XPR1: variants seen among roughly 807,000 people sequenced by gnomAD.
XPR1 encodes the protein solute carrier family 53 member 1.
XPR1 carries 28 observed loss-of-function variants against 87.5 expected under a neutral mutation model. That is an observed-to-expected ratio of 0.32 (90% CI 0.24 to 0.44). The LOEUF (loss-of-function observed/expected upper bound fraction) is 0.44. Among genes scored for constraint, XPR1 ranks in the 20% least tolerant of loss-of-function variants. XPR1 has a pLI of 1.00. For missense variants in XPR1, 559 were observed against 862.3 expected (o/e 0.65, Z 4.41); for synonymous variants, 300 against 306.1 (o/e 0.98, Z 0.21).
At chr1:180,823,069 G>A (rs1031791927) in intron 7 of XPR1, among the ~76,000 whole-genome samples, 2 of 151,906 alleles carry the variant, frequency 1.3e-5, no homozygotes, top group Non-Finnish European at 2.9e-5. Context: ...ATGAAACCCC[G>A]TCTCTACTAA....
At position 180,884,195 on chromosome 1, in the gene XPR1, C is replaced by T. The variant is rs898558262; in HGVS notation, c.*129C>T. ...ACATAACACATTTTCCGAGCTCTTC[C>T]GGATCGGATCCTATGGACTCCAAAC... On this transcript the variant is annotated 3_prime_UTR_variant, in exon 15 of 15. Coordinates refer to ENST00000367590, the MANE Select transcript of XPR1 (RefSeq NM_004736.4). 10 of 665,164 alleles carry T rather than the reference C, an allele frequency of 1.5e-5. No individual in the cohort carries two copies. The highest frequency in any genetic ancestry group is 3.1e-5 in the Admixed American group (1 of 31,826). 41.2% of individuals were successfully genotyped at this position (665,164 alleles called of 1,614,324 possible). A position where few individuals can be genotyped will look rare whatever the true frequency, so the allele number is the denominator to read the frequency against.
At position 180,815,136 on chromosome 1, in the gene XPR1, AT is replaced by A. The variant is rs1224075007; in HGVS notation, c.763+3655del. Among the ~76,000 whole-genome samples the A allele has an allele frequency of 2.6e-5, 4 of 151,716 alleles. No homozygotes were observed. The East Asian group carries it at 7.7e-4, about 29-fold the overall frequency. ...AATGCCTTAGTCATTAGTGGGTGCA[AT>A]TTTTTTGTTTAATTTTCAAGATGAG... On this transcript the variant is annotated intron_variant, in intron 7 of 14. Transcript: ENST00000367590.
chr1:180,845,809 G>T (rs75621249), intron 11 of XPR1, among the ~76,000 whole-genome samples: 1 of 152,224 alleles, frequency 6.6e-6, no homozygotes, highest in Admixed American at 6.5e-5. Flanking sequence ...TGTGGACTCG[G>T]CCAAAATACG....
intron 2 of XPR1, among the ~76,000 whole-genome samples, chr1:180,766,006 A>G (rs1319108031): frequency 6.6e-6 from 1 of 152,194 alleles, no homozygotes; most frequent in Non-Finnish European, 1.5e-5. Context: ...ACCGAGATAT[A>G]TAGAGTTTAA....
chr1:180,866,809 T>A (rs1031759830), intron 12 of XPR1, among the ~76,000 whole-genome samples: 149 of 118,828 alleles, frequency 1.3e-3, no homozygotes, highest in African/African-American at 4.1e-3. Flanking sequence ...TTTTTTTTTT[T>A]AATTTTTTTT....
chr1:180,824,584 A>T (rs964676496), intron 7 of XPR1, among the ~76,000 whole-genome samples, 169 bp from the exon 8 acceptor site: 2 of 152,076 alleles, frequency 1.3e-5, no homozygotes, highest in African/African-American at 4.8e-5. Flanking sequence ...TCTCAAAAAA[A>T]TAAATAGGTA....
intron 1 of XPR1, among the ~76,000 whole-genome samples, chr1:180,677,498 G>C (rs181859905): frequency 1.3e-5 from 2 of 152,258 alleles, no homozygotes; most frequent in East Asian, 3.9e-4. Flanking sequence ...CATAAGACCA[G>C]ATGAGCCAGT....
intron 2 of XPR1, among the ~76,000 whole-genome samples, chr1:180,704,814 G>GT (rs567903048): frequency 0.089 from 4,637 of 51,868 alleles, 364 homozygotes; most frequent in African/African-American, 0.15. Flanking sequence ...ACTGTTGGTT[G>GT]TTTTTTTTTT....
intron 2 of XPR1, among the ~76,000 whole-genome samples, chr1:180,772,099 GTTAT>G (rs1301996012): frequency 2.7e-5 from 4 of 150,336 alleles, no homozygotes; most frequent in Admixed American, 2.6e-4. Flanking sequence ...CATTTATTCA[GTTAT>G]TTATTTATTC....
intron 11 of XPR1, 61 bp downstream of exon 11, chr1:180,836,777 A>T (rs113022706): frequency 3.8e-6 from 6 of 1,561,810 alleles, no homozygotes; most frequent in Admixed American, 1.7e-5. Flanking sequence ...ACCTGACTCT[A>T]TTTCTTACTC....
At chr1:180,671,401 G>A (rs1223260790) in intron 1 of XPR1, among the ~76,000 whole-genome samples, 1 of 152,172 alleles carries the variant, frequency 6.6e-6, no homozygotes, top group Non-Finnish European at 1.5e-5. Flanking sequence ...GGAATTGACT[G>A]TATCAGATCT....
At chr1:180,761,353 A>C (rs1192613799) in intron 2 of XPR1, among the ~76,000 whole-genome samples, 3 of 152,196 alleles carry the variant, frequency 2.0e-5, no homozygotes, top group Non-Finnish European at 4.4e-5. Context: ...GTGGGAGAAA[A>C]TTTTCGCAAC....
intron 2 of XPR1, 134 bp from the exon 3 acceptor site, chr1:180,787,619 A>G: frequency 1.6e-6 from 1 of 632,412 alleles, no homozygotes; most frequent in South Asian, 2.3e-5. Flanking sequence ...TATGGTTCAC[A>G]GTTCACTTTT....
chr1:180,767,641 G>A (rs1648337974), intron 2 of XPR1, among the ~76,000 whole-genome samples: 1 of 152,132 alleles, frequency 6.6e-6, no homozygotes, highest in Non-Finnish European at 1.5e-5. Context: ...TGATTTTAAA[G>A]AGTATATAAT....
At position 180,886,137 on chromosome 1, in the gene XPR1, C is replaced by G. The variant is rs1194701785; in HGVS notation, c.*2071C>G. ...AATCATTTATAATAATCAGTGTTAA[C>G]AATTTAGTGACCCTTGGTAGGTTAA... On this transcript the variant is annotated 3_prime_UTR_variant, in exon 15 of 15. Transcript: ENST00000367590. The G allele has an allele frequency of 6.6e-6, 1 of 152,048 alleles. No individual in the cohort carries two copies. Among genetic ancestry groups the G allele is most frequent in the African/African-American group, 2.4e-5 (1 of 41,384 alleles). The allele number at this position is 152,048 out of a possible 1,614,324, so 9.4% of individuals were successfully genotyped here.
chr1:180,848,735 A>G (rs1205318581), intron 11 of XPR1, among the ~76,000 whole-genome samples: 2 of 151,826 alleles, frequency 1.3e-5, no homozygotes, highest in Non-Finnish European at 2.9e-5. Flanking sequence ...TTTCTGAGGA[A>G]CCTCCATACT....
At chr1:180,636,748 G>A (rs1654788821) in intron 1 of XPR1, among the ~76,000 whole-genome samples, 1 of 152,100 alleles carries the variant, frequency 6.6e-6, no homozygotes, top group African/African-American at 2.4e-5. Context: ...GTAAAGAGAA[G>A]ACAGTATTAG....
rs533299365 is a variant in XPR1, at chr1:180,775,767, G to C, written c.122-11986G>C. ...GAAACTGTCATCTGTATACAAAGTA[G>C]TATTTTGTCATATTTGTTAAATGGA... On this transcript the variant is annotated intron_variant, in intron 2 of 14. Transcript: ENST00000367590. Among the ~76,000 whole-genome samples the C allele has an allele frequency of 6.0e-4, 91 of 152,182 alleles. 1 individual carries two copies. The highest frequency in any genetic ancestry group is 2.1e-3 in the African/African-American group (86 of 41,528).
intron 11 of XPR1, among the ~76,000 whole-genome samples, chr1:180,854,371 ATATT>A (rs1651967553): frequency 6.6e-6 from 1 of 152,250 alleles, no homozygotes; most frequent in African/African-American, 2.4e-5. Context: ...GAATTTATGA[ATATT>A]TATGAGGGAA....
Sources: gnomAD v4.1 joint callset for allele counts (sites outside exome capture counted in the v4.1 genomes callset) on GRCh38, gnomAD v4.1.1 for gene constraint, MANE v1.5 for transcripts, NCBI Gene and HGNC (gene_info 2026-07-23, HGNC 2026-07-21) for gene names.